XPO5: variants seen among roughly 807,000 people sequenced by gnomAD.
The protein encoded by XPO5 is exportin 5, also known as exportin-5.
A neutral mutation model predicts 160.6 loss-of-function variants in XPO5; 46 were observed. The ratio of observed to expected loss-of-function variants is 0.29; its 90% CI spans 0.23 to 0.37. The LOEUF is 0.37. Ranked by LOEUF, XPO5 falls within the 10% of genes least tolerant of loss-of-function variation. The pLI is 1.00. For synonymous variants in XPO5, 537 were observed against 519.3 expected (o/e 1.03, Z -0.46); for missense variants, 1,090 against 1,463.9 (o/e 0.74, Z 4.17).
intron 11 of XPO5, 51 bp downstream of exon 11, chr6:43,560,127 T>C (rs1032964933): frequency 6.3e-7 from 1 of 1,589,106 alleles, no homozygotes; most frequent in African/African-American, 1.3e-5. Flanking sequence ...CCTCAAAGTC[T>C]TATTATGTGT....
At chr6:43,537,770 T>C (rs1794425296) in intron 20 of XPO5, among the ~76,000 whole-genome samples, 1 of 151,824 alleles carries the variant, frequency 6.6e-6, no homozygotes, top group South Asian at 2.1e-4. Context: ...ACAAATAAAT[T>C]GAAAAGAAAA....
At chr6:43,546,007 G>A (rs1166222275) in intron 20 of XPO5, among the ~76,000 whole-genome samples, 1 of 152,102 alleles carries the variant, frequency 6.6e-6, no homozygotes, top group Non-Finnish European at 1.5e-5. Flanking sequence ...TTCTGCCTTT[G>A]AAATAAGCTC....
chr6:43,524,403 T>C, intron 31 of XPO5, 68 bp downstream of exon 31: 2 of 1,540,378 alleles, frequency 1.3e-6, no homozygotes, highest in Non-Finnish European at 1.7e-6. Context: ...CTACAGCTGG[T>C]TTATGGTTTG....
chr6:43,570,999 A>G lies in XPO5; in HGVS notation c.301-5T>C. 6.2e-7 allele frequency: 1 copy of G among 1,610,168 alleles called. No homozygotes were observed. Among genetic ancestry groups the G allele is most frequent in the Non-Finnish European group, 8.5e-7 (1 of 1,178,726 alleles). Reference sequence around the variant, plus strand: ...TTCCAAAATGTTCAATGTTCCCTGAAAAAGAACAAGAGATATTAAGAGATA... The same window carrying G: ...TTCCAAAATGTTCAATGTTCCCTGAGAAAGAACAAGAGATATTAAGAGATA... On this transcript the variant is annotated splice_region_variant and splice_polypyrimidine_tract_variant and intron_variant, in intron 3 of 31. Transcript: ENST00000265351.
intron 3 of XPO5, among the ~76,000 whole-genome samples, chr6:43,571,763 A>G (rs1184075761): frequency 1.3e-5 from 2 of 152,116 alleles, no homozygotes; most frequent in Non-Finnish European, 2.9e-5. Context: ...AGCTATGATC[A>G]TGCTAATGCA....
At position 43,524,749 on chromosome 6, in the gene XPO5, A is replaced by C. The variant is rs1014672028; in HGVS notation, c.3312+82T>G. ...CACCAGCAATTTGGCAGGTGCCTGA[A>C]TTTAGGATAAGGCCCAAGAGACTAG... On this transcript the variant is annotated intron_variant, in intron 30 of 31. Coordinates refer to ENST00000265351, the MANE Select transcript of XPO5 (RefSeq NM_020750.3). 9 of 1,589,188 alleles carry C rather than the reference A, an allele frequency of 5.7e-6. No homozygotes were observed. In the African/African-American group the frequency reaches 1.1e-4, roughly 19 times the overall value.
At chr6:43,537,340 G>A (rs1794403197) in intron 20 of XPO5, among the ~76,000 whole-genome samples, 1 of 152,014 alleles carries the variant, frequency 6.6e-6, no homozygotes, top group Non-Finnish European at 1.5e-5. Context: ...GTCTTTTAAA[G>A]GCTAAACCTT....
At chr6:43,572,403 A>T in intron 3 of XPO5, 103 bp downstream of exon 3, 1 of 1,106,820 alleles carries the variant, frequency 9.0e-7, no homozygotes, top group Non-Finnish European at 1.4e-6. Flanking sequence ...GTGCTGTCTG[A>T]CCTATTTAGA....
intron 3 of XPO5, among the ~76,000 whole-genome samples, chr6:43,571,794 ACT>A (rs886152691): frequency 6.6e-6 from 1 of 150,602 alleles, no homozygotes; most frequent in Admixed American, 6.7e-5. Context: ...AGCAACAGAG[ACT>A]CTGTCTCAAA....
chr6:43,552,537 G>T (rs1236957493), intron 14 of XPO5, among the ~76,000 whole-genome samples: 1 of 152,088 alleles, frequency 6.6e-6, no homozygotes, highest in African/African-American at 2.4e-5. Context: ...GTTTTTAGTA[G>T]AGACAAGGTT....
At chr6:43,562,639 C>G (rs770438197) in intron 8 of XPO5, among the ~76,000 whole-genome samples, 1 of 152,052 alleles carries the variant, frequency 6.6e-6, no homozygotes, top group South Asian at 2.1e-4. Context: ...AAGGCAAGGA[C>G]CTTGGGGTAA....
At chr6:43,553,569 C>A (rs763215458) in intron 13 of XPO5, 66 bp from the exon 14 acceptor site, 1 of 1,509,632 alleles carries the variant, frequency 6.6e-7, no homozygotes. Flanking sequence ...ATTGAAAGAT[C>A]GCAGAAGACA....
intron 5 of XPO5, 143 bp downstream of exon 5, chr6:43,570,359 T>G: frequency 4.9e-6 from 3 of 610,966 alleles, no homozygotes; most frequent in Non-Finnish European, 7.5e-6. Flanking sequence ...CCAGTTTTTC[T>G]GTCATTTCCT....
At chr6:43,555,731 A>G (rs891503266) in intron 13 of XPO5, 105 bp downstream of exon 13, 25 of 1,418,696 alleles carry the variant, frequency 1.8e-5, no homozygotes, top group East Asian at 1.2e-4. Flanking sequence ...TTTGAATAGT[A>G]TAAGTATATC....
chr6:43,570,111 G>C (rs1277011296), intron 5 of XPO5, among the ~76,000 whole-genome samples: 1 of 142,864 alleles, frequency 7.0e-6, no homozygotes, highest in African/African-American at 2.6e-5. Flanking sequence ...AGGAGATCAA[G>C]ACCTTCCTGG....
In XPO5 at chr6:43,533,940, C is replaced by A; in HGVS notation, c.2410G>T (p.Asp804Tyr). 6.2e-7 allele frequency: 1 copy of A among 1,607,026 alleles called. No individual in the cohort carries two copies. Among genetic ancestry groups the A allele is most frequent in the Non-Finnish European group, 8.5e-7 (1 of 1,175,682 alleles). The change falls in exon 21 of 32, where the codon GAT (aspartate) becomes TAT (tyrosine). Residue 804 changes from aspartate to tyrosine, a missense_variant. By Grantham distance (160) the Asp-to-Tyr change is radical. Transcript: ENST00000265351. ...KMAEPFTKAL[D>Y]MLDAEKSAIL... is the part of the protein sequence containing the mutation. ...GCAGATTTTTCCGCGTCAAGCATAT[C>A]CAGAGCCTTGGTGAAAGGCTCTGCC...
At chr6:43,574,749 TTGC>T (rs1235173029) in intron 1 of XPO5, among the ~76,000 whole-genome samples, 1 of 152,000 alleles carries the variant, frequency 6.6e-6, no homozygotes, top group Non-Finnish European at 1.5e-5. Flanking sequence ...AAATCTTTGA[TTGC>T]TGAATTTAGG....
chr6:43,552,230 G>C (rs922898840), intron 14 of XPO5, among the ~76,000 whole-genome samples: 2 of 151,948 alleles, frequency 1.3e-5, no homozygotes, highest in Non-Finnish European at 2.9e-5. Flanking sequence ...GCTAATTTTT[G>C]TATTTTTAGT....
At chr6:43,546,468 T>C (rs1325419055) in intron 20 of XPO5, 103 bp downstream of exon 20, 11 of 1,141,144 alleles carry the variant, frequency 9.6e-6, no homozygotes, top group Non-Finnish European at 1.2e-5. Context: ...AATCAATCCC[T>C]CATTAATACC....
Sources: gnomAD v4.1 joint callset for allele counts (sites outside exome capture counted in the v4.1 genomes callset) on GRCh38, gnomAD v4.1.1 for gene constraint, MANE v1.5 for transcripts, NCBI Gene and HGNC (gene_info 2026-07-23, HGNC 2026-07-21) for gene names.